Variants in PCDH15 observed in about 807,000 individuals in gnomAD.
PCDH15 encodes the protein protocadherin-15.
PCDH15 carries 129 observed loss-of-function variants against 178.5 expected under a neutral mutation model. The observed-to-expected ratio is 0.72, with a 90% confidence interval of 0.63 to 0.84. The LOEUF (loss-of-function observed/expected upper bound fraction) is 0.84. Among genes scored for constraint, PCDH15 ranks in the 40% least tolerant of loss-of-function variants. The probability of loss-of-function intolerance (pLI) is 0.00; values close to 1 mark genes in which losing one functional copy is unlikely to be tolerated. For missense variants in PCDH15, 2,230 were observed against 2,099.9 expected, an observed-to-expected ratio of 1.06 and a Z score of -1.21; for synonymous variants, 800 against 732.0, an observed-to-expected ratio of 1.09 and a Z score of -1.50.
chr10:53,816,089 T>G, intron 35 of PCDH15, 150 bp downstream of exon 35: 1 of 389,876 alleles, frequency 2.6e-6, no homozygotes, highest in Non-Finnish European at 4.5e-6. Flanking sequence ...TGGTTTCTTT[T>G]TTTTGAAGTT....
chr10:55,306,398 A>G (rs532940855), intron 1 of PCDH15, among the ~76,000 whole-genome samples: 3 of 152,190 alleles, frequency 2.0e-5, no homozygotes, highest in Non-Finnish European at 4.4e-5. Flanking sequence ...CACCTCCTGC[A>G]TTTACCCTGA....
rs117808090 is a variant in PCDH15, at chr10:55,451,182, C to T, written c.-156+176443G>A. On this transcript the variant is annotated intron_variant, in intron 2 of 5. Coordinates refer to the PCDH15 transcript ENST00000613346. Reference sequence around the variant, plus strand: ...CCACACTGCCCTGGCCTATGTGTGTCGCATTCCCTCTTCCTCTAAAATAAA... The same window carrying T: ...CCACACTGCCCTGGCCTATGTGTGTTGCATTCCCTCTTCCTCTAAAATAAA... Among the ~76,000 whole-genome samples, 276 of 151,942 alleles carry T rather than the reference C, an allele frequency of 1.8e-3. 5 individuals are homozygous for T. In the East Asian group the frequency reaches 0.044, roughly 24 times the overall value.
chr10:54,359,862 G>C (rs1318654596), intron 5 of PCDH15, among the ~76,000 whole-genome samples: 1 of 151,970 alleles, frequency 6.6e-6, no homozygotes, highest in Non-Finnish European at 1.5e-5. Flanking sequence ...AAAATTAAGA[G>C]CTAATTGATG....
At chr10:55,220,182 T>G (rs1034684693) in intron 1 of PCDH15, among the ~76,000 whole-genome samples, 3 of 152,070 alleles carry the variant, frequency 2.0e-5, no homozygotes, top group African/African-American at 7.3e-5. Context: ...CTTATCATAA[T>G]GGTACCAAAC....
chr10:54,528,681 T>G (rs2083597440), intron 2 of PCDH15, among the ~76,000 whole-genome samples: 1 of 152,078 alleles, frequency 6.6e-6, no homozygotes, highest in African/African-American at 2.4e-5. Flanking sequence ...AGTAAATTGG[T>G]ATTTTTCTTA....
intron 3 of PCDH15, among the ~76,000 whole-genome samples, chr10:54,878,723 A>G (rs958918096): frequency 6.6e-6 from 1 of 152,106 alleles, no homozygotes; most frequent in East Asian, 1.9e-4. Context: ...GGTTTGTTAC[A>G]TAGGTAAATG....
chr10:55,311,697 G>A (rs1843590864), intron 1 of PCDH15, among the ~76,000 whole-genome samples: 4 of 152,114 alleles, frequency 2.6e-5, no homozygotes, highest in African/African-American at 9.7e-5. Flanking sequence ...CACAGAGGAA[G>A]GCTCCACAGA....
chr10:55,387,228 A>G (rs1189519802), intron 2 of PCDH15, among the ~76,000 whole-genome samples: 1 of 152,056 alleles, frequency 6.6e-6, no homozygotes, highest in Non-Finnish European at 1.5e-5. Context: ...ATTTTACAAC[A>G]GTGGTTTTAA....
At chr10:54,526,799 C>A (rs2083405169) in intron 3 of PCDH15, among the ~76,000 whole-genome samples, 1 of 152,078 alleles carries the variant, frequency 6.6e-6, no homozygotes, top group African/African-American at 2.4e-5. Context: ...ACATCTGCGT[C>A]AATTCTTTAA....
intron 1 of PCDH15, among the ~76,000 whole-genome samples, chr10:55,208,691 A>G (rs1360023726): frequency 6.6e-6 from 1 of 152,024 alleles, no homozygotes; most frequent in East Asian, 1.9e-4. Context: ...GGCTTTTCAC[A>G]TATTTGCTCC....
At chr10:54,331,114 A>T (rs1939455144) in intron 6 of PCDH15, among the ~76,000 whole-genome samples, 1 of 151,664 alleles carries the variant, frequency 6.6e-6, no homozygotes, top group South Asian at 2.1e-4. Flanking sequence ...TCACACCCTC[A>T]ACTTAGTGTA....
chr10:53,816,467 TAAG>T (rs1178174249), intron 34 of PCDH15, among the ~76,000 whole-genome samples, 190 bp from the exon 35 acceptor site: 1 of 152,190 alleles, frequency 6.6e-6, no homozygotes, highest in Admixed American at 6.5e-5. Context: ...GAACATAAAA[TAAG>T]AATTCATTTG....
intron 16 of PCDH15, among the ~76,000 whole-genome samples, chr10:54,085,254 C>A (rs941071012): frequency 6.6e-6 from 1 of 151,430 alleles, no homozygotes; most frequent in Admixed American, 6.6e-5. Context: ...AAATTAATCA[C>A]CAAAGAAAAA....
At chr10:55,326,418 T>G (rs2132305143) in intron 2 of PCDH15, among the ~76,000 whole-genome samples, 1 of 152,194 alleles carries the variant, frequency 6.6e-6, no homozygotes, top group Middle Eastern at 3.4e-3. Context: ...ATCAATGAGA[T>G]CAGTTCTTTT....
At chr10:54,510,738 A>T (rs1382089068) in intron 3 of PCDH15, among the ~76,000 whole-genome samples, 1 of 152,228 alleles carries the variant, frequency 6.6e-6, no homozygotes, top group African/African-American at 2.4e-5. Context: ...GACCAATTGC[A>T]AACATAAGAA....
intron 1 of PCDH15, among the ~76,000 whole-genome samples, chr10:55,258,531 A>G (rs976850775): frequency 3.3e-5 from 5 of 152,072 alleles, no homozygotes; most frequent in Non-Finnish European, 1.5e-5. Flanking sequence ...TTTCTGCCTT[A>G]TACCCCTCAG....
At chr10:53,914,630 C>A (rs1478464148) in intron 25 of PCDH15, among the ~76,000 whole-genome samples, 1 of 151,794 alleles carries the variant, frequency 6.6e-6, no homozygotes, top group African/African-American at 2.4e-5. Context: ...TGGGGGCTGG[C>A]GGAGGGATAG....
chr10:55,132,198 T>G (rs1446493471), intron 2 of PCDH15, among the ~76,000 whole-genome samples: 1 of 152,184 alleles, frequency 6.6e-6, no homozygotes, highest in Non-Finnish European at 1.5e-5. Flanking sequence ...CCATCACAAT[T>G]GCTTGATCAT....
chr10:54,373,983 A>G (rs1309034995), intron 4 of PCDH15, among the ~76,000 whole-genome samples: 2 of 152,070 alleles, frequency 1.3e-5, no homozygotes, highest in Non-Finnish European at 2.9e-5. Context: ...TAGTTCATAC[A>G]TTTCTAAATA....
Sources: gnomAD v4.1 joint callset for allele counts (sites outside exome capture counted in the v4.1 genomes callset) on GRCh38, gnomAD v4.1.1 for gene constraint, MANE v1.5 for transcripts, NCBI Gene and HGNC (gene_info 2026-07-23, HGNC 2026-07-21) for gene names.